ADGRL1: variants seen among roughly 807,000 people sequenced by gnomAD.
The protein encoded by ADGRL1 is CIRL-1.
Under a neutral mutation model 148.9 loss-of-function variants are expected in ADGRL1, and 31 were observed. The observed-to-expected ratio is 0.21, with a 90% confidence interval of 0.16 to 0.28. ADGRL1 has a LOEUF of 0.28. ADGRL1 is among the 10% of genes least tolerant of loss of function. The probability of loss-of-function intolerance (pLI) is 1.00; values close to 1 mark genes in which losing one functional copy is unlikely to be tolerated. For synonymous variants in ADGRL1, 937 were observed against 900.3 expected, an observed-to-expected ratio of 1.04 and a Z score of -0.73; for missense variants, 1,521 against 2,058.8, an observed-to-expected ratio of 0.74 and a Z score of 5.05.
chr19:14,159,848 G>T lies in ADGRL1; in HGVS notation c.1801-75C>A. On this transcript the variant is annotated intron_variant, in intron 8 of 22. Transcript: ENST00000361434. The surrounding 1 kb of genome is among the most constrained non-coding windows in gnomAD (Gnocchi z 6.0). ...CCTCACCCTAATACTGTCACATCTGGATAGCTCTCTCGTCTGCGGTTACCA... is the reference window on the plus strand; with the variant it reads ...CCTCACCCTAATACTGTCACATCTGTATAGCTCTCTCGTCTGCGGTTACCA... 2 of 1,312,268 alleles carry T rather than the reference G, an allele frequency of 1.5e-6. No individual in the cohort carries two copies. The highest frequency in any genetic ancestry group is 1.1e-6 in the Non-Finnish European group (1 of 906,346). 81.3% of individuals were successfully genotyped at this position (1,312,268 alleles called of 1,614,324 possible).
intron 3 of ADGRL1, among the ~76,000 whole-genome samples, chr19:14,173,962 A>C (rs1970651169): frequency 1.3e-5 from 2 of 150,808 alleles, no homozygotes; most frequent in Non-Finnish European, 3.0e-5. Context: ...AAAAAAAAAA[A>C]AAAAAAGAGT....
rs943101595 is a variant in ADGRL1 at position 14,162,555 on chromosome 19, G to A, written c.1195+51C>T. On this transcript the variant is annotated intron_variant, in intron 5 of 22. Coordinates refer to ENST00000361434, the MANE Select transcript of ADGRL1 (RefSeq NM_014921.5). This position sits in a 1 kb window ranked among gnomAD's most constrained non-coding sequence, Gnocchi z 5.4. ...CTGGGACCCAGGGGTGGGTGGGGGT[G>A]GAGGGGACAAAGGCAAGCAGGCTCC... 4.6e-6 allele frequency: 7 copies of A among 1,524,050 alleles called. No individual in the cohort carries two copies. The highest frequency in any genetic ancestry group is 4.5e-5 in the East Asian group (2 of 44,072). The allele number at this position is 1,524,050 out of a possible 1,614,324, so 94.4% of individuals were successfully genotyped here.
rs3837937 is a variant in ADGRL1 at position 14,183,193 on chromosome 19, C to CAG, written c.70+338_70+339dup. Among the ~76,000 whole-genome samples, 1,406 of 145,376 alleles carry CAG rather than the reference C, an allele frequency of 9.7e-3. 22 individuals are homozygous for CAG. The highest frequency in any genetic ancestry group is 0.028 in the African/African-American group (1,102 of 39,024). On this transcript the variant is annotated intron_variant, in intron 2 of 22. Coordinates refer to ENST00000361434, the MANE Select transcript of ADGRL1 (RefSeq NM_014921.5). ...AGTGAGAGCCTCGAAGATGTAATCACAGAGAGAGAGAGAGAGAGAGAGAGC... is the reference window on the plus strand; with the variant it reads ...AGTGAGAGCCTCGAAGATGTAATCACAGAGAGAGAGAGAGAGAGAGAGAGAGC...
At chr19:14,182,116 A>G (rs1024442918) in intron 2 of ADGRL1, among the ~76,000 whole-genome samples, 1 of 152,102 alleles carries the variant, frequency 6.6e-6, no homozygotes, top group Admixed American at 6.5e-5. Context: ...CAAGTCACTG[A>G]CCGCCTCTGT....
At position 14,160,335 on chromosome 19, in the gene ADGRL1, C is replaced by A; in HGVS notation, c.1615-38G>T. 1 of 1,550,860 alleles carries A rather than the reference C, an allele frequency of 6.4e-7. No homozygotes were observed. Among genetic ancestry groups the A allele is most frequent in the Non-Finnish European group, 8.8e-7 (1 of 1,137,712 alleles). On this transcript the variant is annotated intron_variant, in intron 7 of 22. Coordinates refer to ENST00000361434, the MANE Select transcript of ADGRL1 (RefSeq NM_014921.5). This position sits in a 1 kb window ranked among gnomAD's most constrained non-coding sequence, Gnocchi z 5.9. ...GGGGCGGGAAGGGGGAATCCCAGGACTGTCAGGGACCATCCTGCCCTCCCC... is the reference window on the plus strand; with the variant it reads ...GGGGCGGGAAGGGGGAATCCCAGGAATGTCAGGGACCATCCTGCCCTCCCC...
intron 1 of ADGRL1, among the ~76,000 whole-genome samples, chr19:14,196,028 C>T (rs534597790): frequency 6.6e-6 from 1 of 152,236 alleles, no homozygotes; most frequent in East Asian, 1.9e-4. Context: ...AGAGTCCACT[C>T]ACCTCTCGCC....
At position 14,149,782 on chromosome 19, in the gene ADGRL1, C is replaced by T. The variant is rs1010076961; in HGVS notation, c.*1091G>A. 2.0e-5 allele frequency: 3 copies of T among 152,494 alleles called. No homozygotes were observed. Among genetic ancestry groups the T allele is most frequent in the Non-Finnish European group, 4.4e-5 (3 of 67,994 alleles). 9.4% of individuals were successfully genotyped at this position (152,494 alleles called of 1,614,324 possible). A position where few individuals can be genotyped will look rare whatever the true frequency, so the allele number is the denominator to read the frequency against. On this transcript the variant is annotated 3_prime_UTR_variant, in exon 23 of 23. Coordinates refer to ENST00000361434, the MANE Select transcript of ADGRL1 (RefSeq NM_014921.5). ...AAAGCTGCTCTGGCGGCCCGCCCGCCCCGGCGGGGACTGGGGATGCACGTA... is the reference window on the plus strand; with the variant it reads ...AAAGCTGCTCTGGCGGCCCGCCCGCTCCGGCGGGGACTGGGGATGCACGTA...
At chr19:14,185,135 C>A (rs914140766) in intron 1 of ADGRL1, among the ~76,000 whole-genome samples, 6 of 152,040 alleles carry the variant, frequency 3.9e-5, no homozygotes, top group Admixed American at 6.6e-5. Flanking sequence ...TCCTTCTCAC[C>A]TCTCTCCCCG....
At chr19:14,190,715 A>C (rs1971873852) in intron 1 of ADGRL1, among the ~76,000 whole-genome samples, 3 of 152,206 alleles carry the variant, frequency 2.0e-5, no homozygotes, top group Non-Finnish European at 4.4e-5. Context: ...GAGGTCATGC[A>C]CTATTTGTCT....
At chr19:14,201,323 G>T (rs2018974) in intron 1 of ADGRL1, among the ~76,000 whole-genome samples, 23,367 of 104,422 alleles carry the variant, frequency 0.22, 3,061 homozygotes, top group East Asian at 0.54. Flanking sequence ...TTGGCGGGGT[G>T]GGGGGGGGCA....
At chr19:14,194,966 C>T (rs1972169854) in intron 1 of ADGRL1, among the ~76,000 whole-genome samples, 1 of 151,564 alleles carries the variant, frequency 6.6e-6, no homozygotes, top group Non-Finnish European at 1.5e-5. Flanking sequence ...CTCACTGCAG[C>T]CTCATCCTCC....
chr19:14,160,393 C>T lies in ADGRL1; in HGVS notation c.1615-96G>A. The stretch of plus-strand genomic sequence containing the variant: ...CTGGCCTGTGCAGCCTCTCCTATCT[C>T]TCTCTCCACTTCCCCATCGCCATCT... On this transcript the variant is annotated intron_variant, in intron 7 of 22. Transcript: ENST00000361434. This position sits in a 1 kb window ranked among gnomAD's most constrained non-coding sequence, Gnocchi z 5.9. 2 of 1,178,644 alleles carry T rather than the reference C, an allele frequency of 1.7e-6. No homozygotes were observed. The highest frequency in any genetic ancestry group is 2.4e-6 in the Non-Finnish European group (2 of 839,198). The allele number at this position is 1,178,644 out of a possible 1,614,324, so 73.0% of individuals were successfully genotyped here. A position where few individuals can be genotyped will look rare whatever the true frequency, so the allele number is the denominator to read the frequency against.
At chr19:14,204,723 A>AGT (rs1972857109) in intron 1 of ADGRL1, among the ~76,000 whole-genome samples, 2 of 146,918 alleles carry the variant, frequency 1.4e-5, no homozygotes, top group Non-Finnish European at 3.1e-5. Flanking sequence ...TGAGAGAGAG[A>AGT]GAGAGAGAGA....
At chr19:14,205,096 C>G (rs1264000641) in intron 1 of ADGRL1, among the ~76,000 whole-genome samples, 4 of 151,950 alleles carry the variant, frequency 2.6e-5, no homozygotes, top group African/African-American at 4.8e-5. Context: ...CAGGGGTGCA[C>G]TGGAGAGATA....
In ADGRL1 at chr19:14,152,469, C is replaced by A. The variant is rs560996253; in HGVS notation, c.3521-32G>T. The A allele has an allele frequency of 6.2e-7, 1 of 1,608,552 alleles. No homozygotes were observed. Among genetic ancestry groups the A allele is most frequent in the Non-Finnish European group, 8.5e-7 (1 of 1,175,646 alleles). On this transcript the variant is annotated intron_variant, in intron 20 of 22. Transcript: ENST00000361434. The surrounding 1 kb of genome is among the most constrained non-coding windows in gnomAD (Gnocchi z 6.1). ...AAAGGATCAGAGGTCACAAGGCAGC[C>A]GGGAGCCTCCAGAGACTGAAGCCAG... is the stretch of plus-strand genomic sequence containing the variant.
chr19:14,158,125 TG>T, intron 12 of ADGRL1, 73 bp from the exon 13 acceptor site: 23 of 1,494,518 alleles, frequency 1.5e-5, no homozygotes, highest in Non-Finnish European at 2.0e-5. Flanking sequence ...CCCCCACACC[TG>T]GCAACAGGGA....
At position 14,150,765 on chromosome 19, in the gene ADGRL1, A is replaced by G; in HGVS notation, c.*108T>C. On this transcript the variant is annotated 3_prime_UTR_variant, in exon 23 of 23. Transcript: ENST00000361434. ...GCCCATGGCTGAGGGGCACCTGGAG[A>G]GAGTGGCCCACCAGCCACTGCCTCC... 1 of 1,328,600 alleles carries G rather than the reference A, an allele frequency of 7.5e-7. No homozygotes were observed. The highest frequency in any genetic ancestry group is 1.0e-6 in the Non-Finnish European group (1 of 970,958). The allele number at this position is 1,328,600 out of a possible 1,614,324, so 82.3% of individuals were successfully genotyped here. A position where few individuals can be genotyped will look rare whatever the true frequency, so the allele number is the denominator to read the frequency against.
intron 1 of ADGRL1, among the ~76,000 whole-genome samples, chr19:14,197,633 G>A (rs1318914563): frequency 6.6e-6 from 1 of 152,152 alleles, no homozygotes; most frequent in Non-Finnish European, 1.5e-5. Context: ...TCTGCCCAGA[G>A]GACAGCATTC....
intron 3 of ADGRL1, 144 bp from the exon 4 acceptor site, chr19:14,170,935 G>C: frequency 1.7e-6 from 1 of 598,496 alleles, no homozygotes; most frequent in South Asian, 1.9e-5. Flanking sequence ...ATATAGTTTG[G>C]ATCTGTGTCC....
Sources: gnomAD v4.1 joint callset for allele counts (sites outside exome capture counted in the v4.1 genomes callset) on GRCh38, gnomAD v4.1.1 for gene constraint, Gnocchi (gnomAD v3.1) non-coding constraint, MANE v1.5 for transcripts, NCBI Gene and HGNC (gene_info 2026-07-23, HGNC 2026-07-21) for gene names.